Variants in TNFRSF10A observed in about 807,000 individuals in gnomAD.
TNFRSF10A encodes the protein tumor necrosis factor receptor superfamily member 10A.
A neutral mutation model predicts 42.8 loss-of-function variants in TNFRSF10A; 44 were observed. The ratio of observed to expected loss-of-function variants is 1.03; its 90% CI spans 0.81 to 1.32. TNFRSF10A has a LOEUF of 1.32. Ranked by LOEUF, TNFRSF10A falls within the 40% of genes most tolerant of loss-of-function variation. The probability of loss-of-function intolerance (pLI) is 0.00; values close to 1 mark genes in which losing one functional copy is unlikely to be tolerated. For missense variants in TNFRSF10A, 680 were observed against 602.0 expected, an observed-to-expected ratio of 1.13 and a Z score of -1.36; for synonymous variants, 259 against 234.2, an observed-to-expected ratio of 1.11 and a Z score of -0.97.
chr8:23,219,325 C>G (rs1283294884), intron 1 of TNFRSF10A, among the ~76,000 whole-genome samples: 1 of 148,660 alleles, frequency 6.7e-6, no homozygotes, highest in Non-Finnish European at 1.5e-5. Context: ...CCTCAGCTCA[C>G]CGCCTCAGGT....
chr8:23,216,247 C>T (rs1585287450), intron 1 of TNFRSF10A, among the ~76,000 whole-genome samples: 1 of 152,066 alleles, frequency 6.6e-6, no homozygotes, highest in Non-Finnish European at 1.5e-5. Context: ...TTGTTACTAC[C>T]TTTGAGTTTA....
chr8:23,200,906 A>G (rs75125656), intron 4 of TNFRSF10A, 146 bp from the exon 5 acceptor site: 14,261 of 780,456 alleles, frequency 0.018, 179 homozygotes, highest in Middle Eastern at 0.023. Flanking sequence ...GGGTCCCCCT[A>G]TGCTCCCTTG....
chr8:23,217,247 T>C (rs1275146362), intron 1 of TNFRSF10A, among the ~76,000 whole-genome samples: 3 of 152,132 alleles, frequency 2.0e-5, no homozygotes, highest in African/African-American at 7.2e-5. Flanking sequence ...GACGGAGTCT[T>C]GCTCTGTTGC....
intron 2 of TNFRSF10A, among the ~76,000 whole-genome samples, chr8:23,208,356 TCA>T (rs1372705267): frequency 1.3e-5 from 2 of 152,172 alleles, no homozygotes; most frequent in Non-Finnish European, 2.9e-5. Context: ...TAAAAGGCAT[TCA>T]GTTTTTTTGT....
chr8:23,207,327 T>A, intron 2 of TNFRSF10A: 1 of 593,742 alleles, frequency 1.7e-6, no homozygotes, highest in South Asian at 1.4e-5. Context: ...TGGCTCCTGA[T>A]TACCATGTCT....
At chr8:23,198,842 A>G (rs1371553060) in intron 8 of TNFRSF10A, among the ~76,000 whole-genome samples, 1 of 152,206 alleles carries the variant, frequency 6.6e-6, no homozygotes, top group Non-Finnish European at 1.5e-5. Flanking sequence ...TTCTTCTTGG[A>G]ATCCTCCATA....
At chr8:23,214,443 G>A (rs557591083) in intron 1 of TNFRSF10A, among the ~76,000 whole-genome samples, 22 of 151,588 alleles carry the variant, frequency 1.5e-4, no homozygotes, top group East Asian at 3.9e-4. Context: ...AGCCGAGATT[G>A]TGCCACTGCA....
intron 2 of TNFRSF10A, chr8:23,207,146 G>A (rs1300066771): frequency 3.4e-6 from 2 of 590,516 alleles, no homozygotes; most frequent in Non-Finnish European, 6.5e-6. Context: ...TGACCACTGA[G>A]TATGCCATGA....
At chr8:23,203,406 T>C (rs1286215947) in intron 2 of TNFRSF10A, among the ~76,000 whole-genome samples, 1 of 152,194 alleles carries the variant, frequency 6.6e-6, no homozygotes, top group Non-Finnish European at 1.5e-5. Flanking sequence ...GGGTCCTCCC[T>C]ATACAGAGTC....
Position 23,191,709 on chromosome 8 carries a change from G to A in TNFRSF10A, c.1392C>T (p.Ala464=), listed in dbSNP as rs201155505. ...FIYLEDGTGS[A]VSLE ...AAAGAGTCTTTCACTCCAAGGACAC[G>A]GCAGAGCCTGTGCCATCTTCTAAGT... The change falls in exon 10 of 10, where the codon GCC becomes GCT. Residue 464 remains alanine (A), a synonymous_variant. Transcript: ENST00000221132. 1.7e-5 allele frequency: 27 copies of A among 1,613,612 alleles called. No homozygotes were observed. Among genetic ancestry groups the A allele is most frequent in the African/African-American group, 6.7e-5 (5 of 74,966 alleles).
At chr8:23,206,468 A>C (rs1053847442) in intron 2 of TNFRSF10A, among the ~76,000 whole-genome samples, 6 of 152,208 alleles carry the variant, frequency 3.9e-5, no homozygotes, top group African/African-American at 1.4e-4. Context: ...CTATGTTCAC[A>C]TGTTTAGGAA....
chr8:23,198,995 C>A (rs1184407995), intron 8 of TNFRSF10A, among the ~76,000 whole-genome samples: 1 of 152,222 alleles, frequency 6.6e-6, no homozygotes, highest in Non-Finnish European at 1.5e-5. Flanking sequence ...GACCGTGCAG[C>A]CTTATTCAGT....
In TNFRSF10A at chr8:23,224,886, A is replaced by T. The variant is rs779334589; in HGVS notation, c.176T>A (p.Met59Lys). 1 of 1,588,150 alleles carries T rather than the reference A, an allele frequency of 6.3e-7. No individual in the cohort carries two copies. The highest frequency in any genetic ancestry group is 1.1e-5 in the South Asian group (1 of 87,656). ...CCGGGCACTGGGTCCGTGCTGTCCC[A>T]TGGAGGTAGGGAGCGCTCCTCGGCC... ...GGGRGALPTSMGQHGPSARAR... is the reference protein window; with the variant it reads ...GGGRGALPTSKGQHGPSARAR... Residue 59 changes from methionine to lysine, a missense_variant, in exon 1 of 10, where the codon ATG becomes AAG. Transcript: ENST00000221132.
rs200630980 is a variant in TNFRSF10A at position 23,212,122 on chromosome 8, G to A, written c.397C>T (p.Pro133Ser). Reference sequence around the variant, plus strand: ...GATCAGTCTTAGAATGTACCTGGTGGACACAACTCTCCCAAAGGGCTATGT... The same window carrying A: ...GATCAGTCTTAGAATGTACCTGGTGAACACAACTCTCCCAAAGGGCTATGT... ...WEHSPLGELC[P>S]PGSHRSEHPG... The change falls in exon 2 of 10, where the codon CCA (proline) becomes TCA (serine). Residue 133 changes from proline (P) to serine (S), a missense_variant. Pro to Ser is a moderately conservative substitution (Grantham distance 74, BLOSUM62 -1). Coordinates refer to ENST00000221132, the MANE Select transcript of TNFRSF10A (RefSeq NM_003844.4). 1.4e-4 allele frequency: 224 copies of A among 1,613,252 alleles called. 3 individuals are homozygous for A. The Middle Eastern group carries it at 2.1e-3, about 15-fold the overall frequency.
intron 8 of TNFRSF10A, among the ~76,000 whole-genome samples, chr8:23,198,682 C>T (rs892401814): frequency 9.2e-5 from 14 of 151,998 alleles, no homozygotes; most frequent in African/African-American, 3.4e-4. Flanking sequence ...TGGTACAAAC[C>T]AACACTAGGG....
chr8:23,212,178 T>G lies in TNFRSF10A; in HGVS notation c.341A>C (p.His114Pro), dbSNP rs144035000. Residue 114 changes from histidine (H) to proline (P), a missense_variant, in exon 2 of 10, where the codon CAT (histidine) becomes CCT (proline). By Grantham distance (77) the His-to-Pro change is moderately conservative (BLOSUM62 -2). Coordinates refer to ENST00000221132, the MANE Select transcript of TNFRSF10A (RefSeq NM_003844.4). The stretch of plus-strand genomic sequence containing the variant: ...TTGCTGTGTGCCAATTGATTGATCA[T>G]GAAGTTTGATGGTTGCAGCTGAGCT... ...VPSSAATIKL[H>P]DQSIGTQQWE... 2 of 1,613,654 alleles carry G rather than the reference T, an allele frequency of 1.2e-6. No individual in the cohort carries two copies. The highest frequency in any genetic ancestry group is 2.7e-5 in the African/African-American group (2 of 74,920).
At chr8:23,222,021 C>T (rs1191353850) in intron 1 of TNFRSF10A, among the ~76,000 whole-genome samples, 5 of 151,994 alleles carry the variant, frequency 3.3e-5, no homozygotes, top group African/African-American at 4.8e-5. Flanking sequence ...GGACTACAGG[C>T]GCCCGCCACC....
chr8:23,217,187 T>A (rs1801195723), intron 1 of TNFRSF10A, among the ~76,000 whole-genome samples: 1 of 152,152 alleles, frequency 6.6e-6, no homozygotes, highest in Non-Finnish European at 1.5e-5. Context: ...CATATACACA[T>A]TTATGATTAT....
At chr8:23,194,558 G>A (rs1486102910) in intron 9 of TNFRSF10A, among the ~76,000 whole-genome samples, 1 of 152,142 alleles carries the variant, frequency 6.6e-6, no homozygotes, top group Non-Finnish European at 1.5e-5. Flanking sequence ...TTAAATTAAT[G>A]TTGTTGGTTT....
Sources: gnomAD v4.1 joint callset for allele counts (sites outside exome capture counted in the v4.1 genomes callset) on GRCh38, gnomAD v4.1.1 for gene constraint, MANE v1.5 for transcripts, NCBI Gene and HGNC (gene_info 2026-07-23, HGNC 2026-07-21) for gene names.